Variants in EFHB observed in about 807,000 individuals in gnomAD.
EFHB encodes the protein EF-hand domain-containing family member B.
EFHB carries 91 observed loss-of-function variants against 87.2 expected under a neutral mutation model. That is an observed-to-expected ratio of 1.04 (90% CI 0.88 to 1.24). The LOEUF is 1.24. Among genes scored for constraint, EFHB ranks in the 50% most tolerant of loss-of-function variants. The pLI, the probability that EFHB is intolerant of heterozygous loss-of-function variation, is 0.00. For synonymous variants in EFHB, 325 were observed against 333.6 expected, an observed-to-expected ratio of 0.97 and a Z score of 0.28; for missense variants, 1,084 against 998.8, an observed-to-expected ratio of 1.09 and a Z score of -1.15.
chr3:19,914,258 T>C (rs1695153293), intron 5 of EFHB, among the ~76,000 whole-genome samples: 2 of 152,182 alleles, frequency 1.3e-5, no homozygotes, highest in African/African-American at 4.8e-5. Context: ...TTAAAGAGCA[T>C]TGGATTAGAC....
intron 1 of EFHB, among the ~76,000 whole-genome samples, chr3:19,924,645 G>C (rs1258994096): frequency 6.6e-6 from 1 of 152,080 alleles, no homozygotes; most frequent in Non-Finnish European, 1.5e-5. Flanking sequence ...CATCAACCTT[G>C]TTTCTTCAAG....
chr3:19,879,881 A>G, intron 12 of EFHB, 77 bp from the exon 13 acceptor site: 1 of 1,389,150 alleles, frequency 7.2e-7, no homozygotes, highest in Non-Finnish European at 9.6e-7. Flanking sequence ...TATAACATCT[A>G]AGACTATGGA....
At chr3:19,919,364 C>CTT (rs752615220) in intron 3 of EFHB, among the ~76,000 whole-genome samples, 3 of 137,264 alleles carry the variant, frequency 2.2e-5, no homozygotes, top group South Asian at 2.4e-4. Context: ...GCCCCAGCTG[C>CTT]TTTTTTTTTT....
chr3:19,890,707 TG>T (rs1405919224), intron 9 of EFHB, among the ~76,000 whole-genome samples: 1 of 152,136 alleles, frequency 6.6e-6, no homozygotes, highest in Non-Finnish European at 1.5e-5. Flanking sequence ...CTATAACTGG[TG>T]GTTTTGCCAA....
At chr3:19,940,398 C>T (rs2125171785) in intron 1 of EFHB, 1 of 433,942 alleles carries the variant, frequency 2.3e-6, no homozygotes, top group Admixed American at 2.5e-5. Flanking sequence ...CCAGCTCTTT[C>T]TGCTGATGTT....
intron 9 of EFHB, among the ~76,000 whole-genome samples, chr3:19,891,809 G>T (rs1694315779): frequency 2.0e-5 from 3 of 152,162 alleles, no homozygotes; most frequent in East Asian, 3.9e-4. Context: ...CAACATTGCT[G>T]CCTGTACATA....
chr3:19,916,591 A>G, intron 4 of EFHB, among the ~76,000 whole-genome samples: 1 of 152,176 alleles, frequency 6.6e-6, no homozygotes, highest in East Asian at 1.9e-4. Flanking sequence ...GGTACCAGGG[A>G]AATCACTGGA....
At chr3:19,892,797 G>A (rs1694344759) in intron 9 of EFHB, among the ~76,000 whole-genome samples, 1 of 151,886 alleles carries the variant, frequency 6.6e-6, no homozygotes, top group South Asian at 2.1e-4. Context: ...CAAGCCTGCA[G>A]TGAGCTATGA....
intron 12 of EFHB, among the ~76,000 whole-genome samples, 173 bp downstream of exon 12, chr3:19,882,377 A>G (rs190036496): frequency 6.6e-6 from 1 of 152,332 alleles, no homozygotes; most frequent in Admixed American, 6.5e-5. Context: ...CATAAATTCT[A>G]CCTCAAGAAT....
At chr3:19,900,376 T>G (rs142580636) in intron 6 of EFHB, among the ~76,000 whole-genome samples, 14 of 152,046 alleles carry the variant, frequency 9.2e-5, no homozygotes, top group Non-Finnish European at 1.8e-4. Context: ...AGTAATAAAA[T>G]AAATGTAAAA....
rs559864737 is a variant in EFHB at position 19,914,700 on chromosome 3, T to C, written c.1288+603A>G. Reference sequence around the variant, plus strand: ...AGTAAATTGCCCAAATTTTAAAAGATAGTAAATGGATGAGCTAGGATTTGA... The same window carrying C: ...AGTAAATTGCCCAAATTTTAAAAGACAGTAAATGGATGAGCTAGGATTTGA... On this transcript the variant is annotated intron_variant, in intron 5 of 12. Coordinates refer to ENST00000295824, the MANE Select transcript of EFHB (RefSeq NM_144715.4). 4.3e-4 allele frequency among the ~76,000 whole-genome samples: 65 copies of C among 152,230 alleles called. 1 individual carries two copies. Among genetic ancestry groups the C allele is most frequent in the Non-Finnish European group, 8.7e-4 (59 of 68,022 alleles).
At chr3:19,936,327 G>T, upstream of EFHB, 1 of 504,852 alleles carries the variant, frequency 2.0e-6, no homozygotes. Context: ...GCCAGCCTGG[G>T]CGACAGACTG....
In EFHB at chr3:19,933,467, T is replaced by C; in HGVS notation, c.552A>G (p.Thr184=). The part of the protein sequence containing the change: ...ESTCVLMKPN[T]EIKLPVEVDI... ...CCACCTCCACAGGAAGCTTAATCTCTGTGTTGGGTTTCATTAAAACACAGG... is the reference window on the plus strand; with the variant it reads ...CCACCTCCACAGGAAGCTTAATCTCCGTGTTGGGTTTCATTAAAACACAGG... The change falls in exon 1 of 13, where the codon ACA becomes ACG. Residue 184 remains threonine, a synonymous_variant. Transcript: ENST00000295824. 1 of 1,614,018 alleles carries C rather than the reference T, an allele frequency of 6.2e-7. No homozygotes were observed.
At chr3:19,915,833 T>A (rs899690645) in intron 4 of EFHB, among the ~76,000 whole-genome samples, 5 of 151,174 alleles carry the variant, frequency 3.3e-5, no homozygotes, top group South Asian at 2.1e-4. Flanking sequence ...ATTAGCCAGG[T>A]GTGGAAGCAC....
rs796986606 is a variant in EFHB, at chr3:19,905,559, A to T, written c.1418+61T>A. 3 of 1,542,880 alleles carry T rather than the reference A, an allele frequency of 1.9e-6. No homozygotes were observed. In the African/African-American group the frequency reaches 4.1e-5, roughly 21 times the overall value. On this transcript the variant is annotated intron_variant, in intron 6 of 12. Coordinates refer to ENST00000295824, the MANE Select transcript of EFHB (RefSeq NM_144715.4). ...CTTCAAAAAATAAAGTTTAAAAATCAACTTTTCTTTAAGTCCAAATGTCTA... is the reference window on the plus strand; with the variant it reads ...CTTCAAAAAATAAAGTTTAAAAATCTACTTTTCTTTAAGTCCAAATGTCTA...
chr3:19,905,512 G>A (rs986349176), intron 6 of EFHB, 108 bp downstream of exon 6: 156 of 1,228,446 alleles, frequency 1.3e-4, no homozygotes, highest in Non-Finnish European at 1.6e-4. Flanking sequence ...CATCTTGTTT[G>A]AACCATATCA....
intron 5 of EFHB, among the ~76,000 whole-genome samples, chr3:19,911,863 T>C (rs1001800750): frequency 6.6e-6 from 1 of 151,740 alleles, no homozygotes; most frequent in Non-Finnish European, 1.5e-5. Context: ...GTAATCCCAG[T>C]ACTTTGGGAG....
rs975554691 is a variant in EFHB at position 19,889,879 on chromosome 3, C to T, written c.1726-1228G>A. Among the ~76,000 whole-genome samples, 9 of 152,084 alleles carry T rather than the reference C, an allele frequency of 5.9e-5. No individual in the cohort carries two copies. The South Asian group carries it at 6.2e-4, about 11-fold the overall frequency. ...GCACATGCCTGTAATCCCAGCTACT[C>T]GGGAGGCTGAGGCAGGAGAATCGCT... is the stretch of plus-strand genomic sequence containing the variant. On this transcript the variant is annotated intron_variant, in intron 9 of 12. Coordinates refer to ENST00000295824, the MANE Select transcript of EFHB (RefSeq NM_144715.4).
intron 1 of EFHB, among the ~76,000 whole-genome samples, chr3:19,927,210 G>A (rs1042802991): frequency 6.6e-6 from 1 of 152,150 alleles, no homozygotes; most frequent in African/African-American, 2.4e-5. Context: ...GCCTTAGTCA[G>A]TGCATTGATG....
Sources: gnomAD v4.1 joint callset for allele counts (sites outside exome capture counted in the v4.1 genomes callset) on GRCh38, gnomAD v4.1.1 for gene constraint, MANE v1.5 for transcripts, NCBI Gene and HGNC (gene_info 2026-07-23, HGNC 2026-07-21) for gene names.